Variants in FOXP2 observed in about 807,000 individuals in gnomAD.
FOXP2 encodes forkhead box P2, also known as forkhead box protein P2.
FOXP2 carries 12 observed loss-of-function variants against 115.8 expected under a neutral mutation model. The ratio of observed to expected loss-of-function variants is 0.10; its 90% confidence interval spans 0.07 to 0.17. The LOEUF (loss-of-function observed/expected upper bound fraction) is 0.17. FOXP2 is among the 10% of genes least tolerant of loss of function. FOXP2 has a pLI of 1.00. For synonymous variants in FOXP2, 328 were observed against 297.7 expected (o/e 1.10, Z -1.05); for missense variants, 629 against 843.5 (o/e 0.75, Z 3.15).
At chr7:114,296,303 T>C (rs1562859158) in intron 2 of FOXP2, among the ~76,000 whole-genome samples, 1 of 152,152 alleles carries the variant, frequency 6.6e-6, no homozygotes, top group Non-Finnish European at 1.5e-5. Flanking sequence ...TATGAATCAG[T>C]AGTCTCAGAT....
intron 1 of FOXP2, among the ~76,000 whole-genome samples, chr7:114,135,483 C>T (rs772245315): frequency 9.9e-5 from 15 of 152,062 alleles, no homozygotes; most frequent in Non-Finnish European, 1.5e-4. Flanking sequence ...AATATATTCA[C>T]TTTCTGCTCA....
chr7:114,283,829 G>A (rs1796394490), intron 1 of FOXP2, among the ~76,000 whole-genome samples: 1 of 151,962 alleles, frequency 6.6e-6, no homozygotes, highest in Non-Finnish European at 1.5e-5. Context: ...CAGGTGTGTG[G>A]CTCACACCCG....
chr7:114,486,087 G>A (rs1300851951), intron 2 of FOXP2, among the ~76,000 whole-genome samples: 2 of 152,068 alleles, frequency 1.3e-5, no homozygotes, highest in East Asian at 1.9e-4. Flanking sequence ...AAATGTAAAC[G>A]GACCCTTTAT....
rs558052994 is a variant in FOXP2, at chr7:114,425,002, A to G, written c.-10-1500A>G. On this transcript the variant is annotated intron_variant, in intron 1 of 16. Transcript: ENST00000350908. ...AAATATCTGTTAAAACTATGATACT[A>G]TAAACATTAATTTTAACAATTTTAA... Among the ~76,000 whole-genome samples, 4 of 151,630 alleles carry G rather than the reference A, an allele frequency of 2.6e-5. No individual in the cohort carries two copies. In the East Asian group the frequency reaches 7.8e-4, roughly 29 times the overall value.
intron 3 of FOXP2, among the ~76,000 whole-genome samples, chr7:114,600,116 T>C (rs894294564): frequency 1.3e-5 from 2 of 152,220 alleles, no homozygotes; most frequent in Non-Finnish European, 2.9e-5. Flanking sequence ...AATTCATATA[T>C]CTACCATTAC....
At chr7:114,677,033 G>A (rs1456457194) in intron 16 of FOXP2, among the ~76,000 whole-genome samples, 1 of 151,972 alleles carries the variant, frequency 6.6e-6, no homozygotes, top group Non-Finnish European at 1.5e-5. Context: ...GGGCGTGGTT[G>A]CGCGCGCCTG....
chr7:114,644,603 G>C, intron 7 of FOXP2, 82 bp from the exon 8 acceptor site: 1 of 1,171,724 alleles, frequency 8.5e-7, no homozygotes, highest in Admixed American at 1.8e-5. Flanking sequence ...GTTTGTCACT[G>C]ATCGTAACCT....
intron 2 of FOXP2, among the ~76,000 whole-genome samples, chr7:114,510,144 A>G (rs1798003002): frequency 6.6e-6 from 1 of 152,156 alleles, no homozygotes; most frequent in Non-Finnish European, 1.5e-5. Context: ...TCATGTTGCT[A>G]TATCCTATTT....
At chr7:114,550,840 T>C (rs1478476712) in intron 3 of FOXP2, among the ~76,000 whole-genome samples, 1 of 152,206 alleles carries the variant, frequency 6.6e-6, no homozygotes, top group Non-Finnish European at 1.5e-5. Context: ...ACATCTGTTC[T>C]AAGAATAATT....
intron 3 of FOXP2, among the ~76,000 whole-genome samples, chr7:114,576,345 G>A (rs1413958198): frequency 6.6e-6 from 1 of 151,700 alleles, no homozygotes; most frequent in Non-Finnish European, 1.5e-5. Context: ...ATCTCAGTTT[G>A]TTCTAGAAAC....
At chr7:114,256,193 C>T (rs1795607579) in intron 1 of FOXP2, among the ~76,000 whole-genome samples, 2 of 152,150 alleles carry the variant, frequency 1.3e-5, no homozygotes, top group Admixed American at 1.3e-4. Context: ...AGCTCTGCCT[C>T]CCAGGTTCAA....
At chr7:114,387,470 A>G (rs1792481824) in intron 2 of FOXP2, among the ~76,000 whole-genome samples, 1 of 152,164 alleles carries the variant, frequency 6.6e-6, no homozygotes, top group African/African-American at 2.4e-5. Flanking sequence ...AGGAAAACAC[A>G]TGATTGCTCT....
At chr7:114,223,832 T>G (rs993667715) in intron 1 of FOXP2, among the ~76,000 whole-genome samples, 2 of 151,746 alleles carry the variant, frequency 1.3e-5, no homozygotes, top group African/African-American at 4.8e-5. Flanking sequence ...TTTAATTTAG[T>G]TTATCAATTT....
At position 114,659,667 on chromosome 7, in the gene FOXP2, T is replaced by C. The variant is rs750639210; in HGVS notation, c.1641T>C (p.Thr547=). The change falls in exon 13 of 17, where the codon ACT becomes ACC. Residue 547 remains threonine (T), a synonymous_variant. Transcript: ENST00000350908. ...TFAYFRRNAA[T]WKNAVRHNLS... is the part of the protein sequence containing the mutation. The stretch of plus-strand genomic sequence containing the variant: ...CTTACTTCAGGCGTAATGCAGCAAC[T>C]TGGAAGGTAACTACTTTTCCAGCAG... 6.2e-7 allele frequency: 1 copy of C among 1,613,346 alleles called. No homozygotes were observed. Among genetic ancestry groups the C allele is most frequent in the Non-Finnish European group, 8.5e-7 (1 of 1,179,416 alleles).
intron 1 of FOXP2, among the ~76,000 whole-genome samples, chr7:114,138,075 A>C (rs990715402): frequency 6.6e-6 from 1 of 152,184 alleles, no homozygotes; most frequent in African/African-American, 2.4e-5. Context: ...ATAAATACCC[A>C]TGAGCCCATA....
chr7:114,095,637 C>T (rs983720537), intron 1 of FOXP2, among the ~76,000 whole-genome samples: 2 of 152,038 alleles, frequency 1.3e-5, no homozygotes, highest in African/African-American at 4.8e-5. Context: ...CATTCTTTTC[C>T]CTGACGCTTC....
intron 2 of FOXP2, among the ~76,000 whole-genome samples, chr7:114,299,690 C>G (rs1226159629): frequency 6.6e-6 from 1 of 151,870 alleles, no homozygotes; most frequent in Non-Finnish European, 1.5e-5. Flanking sequence ...AACTAATATA[C>G]TCATTTTAAT....
At chr7:114,112,953 A>G (rs953264112) in intron 1 of FOXP2, among the ~76,000 whole-genome samples, 1 of 152,188 alleles carries the variant, frequency 6.6e-6, no homozygotes, top group Non-Finnish European at 1.5e-5. Flanking sequence ...AACAGAAGGA[A>G]ACAGTACAAA....
At chr7:114,468,450 A>G (rs1002219753) in intron 2 of FOXP2, among the ~76,000 whole-genome samples, 2 of 152,116 alleles carry the variant, frequency 1.3e-5, no homozygotes, top group African/African-American at 4.8e-5. Context: ...GGTGACATTG[A>G]CATCTTTTAA....
Sources: gnomAD v4.1 joint callset for allele counts (sites outside exome capture counted in the v4.1 genomes callset) on GRCh38, gnomAD v4.1.1 for gene constraint, MANE v1.5 for transcripts, NCBI Gene and HGNC (gene_info 2026-07-23, HGNC 2026-07-21) for gene names.